TAFA5: variants seen among roughly 807,000 people sequenced by gnomAD.
TAFA5 encodes TAFA chemokine like family member 5, also known as chemokine-like protein TAFA-5.
TAFA5 carries 6 observed loss-of-function variants against 15.3 expected under a neutral mutation model. The observed-to-expected ratio is 0.39, with a 90% CI of 0.21 to 0.77. TAFA5 has a LOEUF of 0.77. Ranked by LOEUF, TAFA5 falls within the 30% of genes least tolerant of loss-of-function variation. The pLI, the probability that TAFA5 is intolerant of heterozygous loss-of-function variation, is 0.41. For synonymous variants in TAFA5, 103 were observed against 80.7 expected (o/e 1.28, Z -1.48); for missense variants, 161 against 193.1 (o/e 0.83, Z 0.98).
At chr22:48,719,677 C>T (rs142256007) in intron 3 of TAFA5, among the ~76,000 whole-genome samples, 90 of 152,266 alleles carry the variant, frequency 5.9e-4, no homozygotes, top group African/African-American at 2.1e-3. Context: ...GCCGGGGACC[C>T]GCACCTAACT....
At position 48,706,477 on chromosome 22, in the gene TAFA5, C is replaced by T. The variant is rs574802815; in HGVS notation, c.263-1240C>T. 3.9e-5 allele frequency among the ~76,000 whole-genome samples: 6 copies of T among 152,306 alleles called. No individual in the cohort carries two copies. In the East Asian group the frequency reaches 5.8e-4, roughly 15 times the overall value. On this transcript the variant is annotated intron_variant, in intron 2 of 3. Coordinates refer to ENST00000402357, the MANE Select transcript of TAFA5 (RefSeq NM_001082967.3). ...GAGTGGGGTGCCTGGCTCTCACCAG[C>T]GAGTGCAGTGGGGATATGTGACTTC...
intron 1 of TAFA5, among the ~76,000 whole-genome samples, chr22:48,576,085 C>G (rs1237398273): frequency 8.0e-5 from 11 of 138,278 alleles, no homozygotes; most frequent in Non-Finnish European, 1.7e-4. Flanking sequence ...ATCCGCGGCC[C>G]GCCGTCCGGG....
chr22:48,548,245 G>A lies in TAFA5; in HGVS notation c.112+58541G>A, dbSNP rs140238731. 4.3e-4 allele frequency among the ~76,000 whole-genome samples: 66 copies of A among 152,346 alleles called. No homozygotes were observed. In the East Asian group the frequency reaches 9.3e-3, roughly 21 times the overall value. ...GGATTGCTCTTTCTCTTAAGTGAGT[G>A]TAGCGAGGAGGATGGCTGGAAATGC... On this transcript the variant is annotated intron_variant, in intron 1 of 3. Coordinates refer to ENST00000402357, the MANE Select transcript of TAFA5 (RefSeq NM_001082967.3).
At chr22:48,637,459 C>A (rs1361422943) in intron 1 of TAFA5, among the ~76,000 whole-genome samples, 1 of 152,012 alleles carries the variant, frequency 6.6e-6, no homozygotes. Context: ...CTCTTGGCCT[C>A]GGTCCACACT....
At chr22:48,672,148 C>CT (rs1437934616) in intron 2 of TAFA5, among the ~76,000 whole-genome samples, 58 of 152,336 alleles carry the variant, frequency 3.8e-4, no homozygotes, top group African/African-American at 1.4e-3. Flanking sequence ...TCTCTGAACT[C>CT]TGAGTGTCAA....
chr22:48,615,357 G>T (rs1031060981), intron 1 of TAFA5, among the ~76,000 whole-genome samples: 1 of 152,216 alleles, frequency 6.6e-6, no homozygotes, highest in African/African-American at 2.4e-5. Context: ...GGAAGCGGAT[G>T]GCTTGAGGCT....
At chr22:48,630,082 G>A (rs1370557671) in intron 1 of TAFA5, among the ~76,000 whole-genome samples, 1 of 152,178 alleles carries the variant, frequency 6.6e-6, no homozygotes, top group East Asian at 1.9e-4. Context: ...GTCGGGGCGG[G>A]GGACGAGCAG....
Position 48,668,659 on chromosome 22 carries a change from C to A in TAFA5, c.262+21913C>A, listed in dbSNP as rs180671333. 9.8e-4 allele frequency among the ~76,000 whole-genome samples: 101 copies of A among 103,490 alleles called. 9 individuals carry two copies. The East Asian group carries it at 0.026, about 26-fold the overall frequency. The allele number at this position is 103,490 out of a possible 152,430, so 67.9% of individuals were successfully genotyped here. ...GTGTTAATCCCCCAGCACTCAGGGC[C>A]GCGTCTTCACCGGGAGCTGTAATCC... On this transcript the variant is annotated intron_variant, in intron 2 of 3. Transcript: ENST00000402357.
At chr22:48,555,846 CA>C (rs1569024160) in intron 1 of TAFA5, among the ~76,000 whole-genome samples, 1 of 152,188 alleles carries the variant, frequency 6.6e-6, no homozygotes, top group Non-Finnish European at 1.5e-5. Flanking sequence ...AGCCATCTCT[CA>C]AGGAACAGCT....
Position 48,535,068 on chromosome 22 carries a change from G to A in TAFA5, c.112+45364G>A, listed in dbSNP as rs530893704. Among the ~76,000 whole-genome samples, 126 of 152,238 alleles carry A rather than the reference G, an allele frequency of 8.3e-4. 1 individual carries two copies. The highest frequency in any genetic ancestry group is 3.0e-3 in the African/African-American group (123 of 41,558). ...CATCACCTCTCCCCAGCCTTGGGCA[G>A]CCCCTCCCCAAGGCTGGGCCCTGGG... On this transcript the variant is annotated intron_variant, in intron 1 of 3. Transcript: ENST00000402357.
At chr22:48,613,349 G>A (rs984256508) in intron 1 of TAFA5, among the ~76,000 whole-genome samples, 10 of 152,112 alleles carry the variant, frequency 6.6e-5, no homozygotes, top group Admixed American at 3.9e-4. Flanking sequence ...GCTGATGTCC[G>A]TCTCTGTTAA....
intron 1 of TAFA5, among the ~76,000 whole-genome samples, chr22:48,617,784 G>A (rs914597735): frequency 3.3e-5 from 5 of 152,202 alleles, no homozygotes; most frequent in African/African-American, 1.2e-4. Context: ...GCTGGGCTGT[G>A]TGTTCTGAGA....
intron 1 of TAFA5, among the ~76,000 whole-genome samples, chr22:48,501,750 G>A (rs1920953417): frequency 6.6e-6 from 1 of 152,204 alleles, no homozygotes; most frequent in African/African-American, 2.4e-5. Context: ...GGGTGTGGCG[G>A]AGTGAGGGCT....
intron 3 of TAFA5, among the ~76,000 whole-genome samples, chr22:48,718,507 C>T (rs1385837415): frequency 2.0e-5 from 3 of 152,106 alleles, no homozygotes; most frequent in Non-Finnish European, 4.4e-5. Context: ...GCGCCATCCT[C>T]CCGTGCGACC....
chr22:48,614,270 A>G (rs1925518839), intron 1 of TAFA5, among the ~76,000 whole-genome samples: 1 of 152,134 alleles, frequency 6.6e-6, no homozygotes, highest in Non-Finnish European at 1.5e-5. Context: ...AGAGAATCAC[A>G]CTGCAGACAC....
At chr22:48,554,751 T>C (rs1323683929) in intron 1 of TAFA5, among the ~76,000 whole-genome samples, 1 of 152,244 alleles carries the variant, frequency 6.6e-6, no homozygotes, top group Non-Finnish European at 1.5e-5. Context: ...AATTATGAAA[T>C]GCTAAGATTC....
chr22:48,564,770 G>A (rs539181239), intron 1 of TAFA5, among the ~76,000 whole-genome samples: 13 of 152,348 alleles, frequency 8.5e-5, no homozygotes, highest in African/African-American at 3.1e-4. Context: ...GAGCCACTGA[G>A]GGAATGTCCT....
chr22:48,681,915 C>T (rs1286386973), intron 2 of TAFA5, among the ~76,000 whole-genome samples: 1 of 119,510 alleles, frequency 8.4e-6, no homozygotes, highest in Non-Finnish European at 2.0e-5. Flanking sequence ...CGCACAGATC[C>T]GTCCACTGTC....
intron 3 of TAFA5, among the ~76,000 whole-genome samples, chr22:48,738,391 G>A (rs879493856): frequency 1.3e-5 from 2 of 152,152 alleles, no homozygotes; most frequent in Admixed American, 1.3e-4. Context: ...GCAGCCCAGC[G>A]GGTGTCCCAG....
Sources: gnomAD v4.1 joint callset for allele counts (sites outside exome capture counted in the v4.1 genomes callset) on GRCh38, gnomAD v4.1.1 for gene constraint, MANE v1.5 for transcripts, NCBI Gene and HGNC (gene_info 2026-07-23, HGNC 2026-07-21) for gene names.